LAMC1: variants seen among roughly 807,000 people sequenced by gnomAD.
LAMC1 encodes the protein laminin subunit gamma 1.
In LAMC1, 38 loss-of-function variants were observed where a neutral mutation model predicts 173.6. The observed-to-expected ratio is 0.22, with a 90% CI of 0.17 to 0.29. LAMC1 has a LOEUF of 0.29. LAMC1 is among the 10% of genes least tolerant of loss of function. The pLI, the probability that LAMC1 is intolerant of heterozygous loss-of-function variation, is 1.00. For synonymous variants in LAMC1, 746 were observed against 749.1 expected (o/e 1.00, Z 0.07); for missense variants, 1,824 against 2,051.8 (o/e 0.89, Z 2.14).
chr1:183,119,199 A>T (rs1217071376), intron 11 of LAMC1, among the ~76,000 whole-genome samples: 1 of 152,060 alleles, frequency 6.6e-6, no homozygotes, highest in Admixed American at 6.6e-5. Context: ...ACCCGGTCAA[A>T]ATTTTTTTTC....
chr1:183,050,319 T>A (rs1654383718), intron 1 of LAMC1, among the ~76,000 whole-genome samples: 2 of 141,866 alleles, frequency 1.4e-5, no homozygotes, highest in African/African-American at 5.2e-5. Context: ...AGTCTCACTC[T>A]CGCCCAGGCT....
chr1:183,031,461 C>T (rs1267604309), intron 1 of LAMC1, among the ~76,000 whole-genome samples: 3 of 152,136 alleles, frequency 2.0e-5, no homozygotes, highest in Admixed American at 1.3e-4. Context: ...TGTGCCACCA[C>T]ACCCAGCTAA....
At chr1:183,050,476 G>T (rs112381242) in intron 1 of LAMC1, among the ~76,000 whole-genome samples, 3 of 148,896 alleles carry the variant, frequency 2.0e-5, no homozygotes, top group East Asian at 4.0e-4. Flanking sequence ...TAGAGAAGGG[G>T]TTTCACCACG....
At chr1:183,060,002 T>A (rs975676128) in intron 1 of LAMC1, among the ~76,000 whole-genome samples, 2 of 151,834 alleles carry the variant, frequency 1.3e-5, no homozygotes, top group Non-Finnish European at 2.9e-5. Flanking sequence ...GTACCTGAAG[T>A]GGGAAGGGGA....
At position 183,023,543 on chromosome 1, in the gene LAMC1, A is replaced by G; in HGVS notation, c.-174A>G. On this transcript the variant is annotated 5_prime_UTR_variant, in exon 1 of 28. Transcript: ENST00000258341. ...GTCGGCGAGCAGCGCGGTCCTCGCT[A>G]GGGGCGCCCACCCGTCAGTCTCTCC... 3.3e-6 allele frequency: 1 copy of G among 306,888 alleles called. No individual in the cohort carries two copies. Among genetic ancestry groups the G allele is most frequent in the Admixed American group, 5.5e-5 (1 of 18,156 alleles). 19.0% of individuals were successfully genotyped at this position (306,888 alleles called of 1,614,324 possible). A position where few individuals can be genotyped will look rare whatever the true frequency, so the allele number is the denominator to read the frequency against.
At chr1:183,137,496 A>T (rs959427412) in intron 25 of LAMC1, among the ~76,000 whole-genome samples, 173 bp from the exon 26 acceptor site, 1 of 152,108 alleles carries the variant, frequency 6.6e-6, no homozygotes, top group Non-Finnish European at 1.5e-5. Flanking sequence ...AATTTTTTTT[A>T]TGATTATTTA....
chr1:183,093,806 A>G (rs1655626148), intron 1 of LAMC1, among the ~76,000 whole-genome samples: 2 of 152,172 alleles, frequency 1.3e-5, no homozygotes, highest in Non-Finnish European at 2.9e-5. Flanking sequence ...TGCATCCCAC[A>G]TCCAGTTCAT....
Position 183,078,310 on chromosome 1 carries a change from C to T in LAMC1, c.419-25018C>T, listed in dbSNP as rs939295205. ...CTTTAACAGATGAGCTGGTCAGGCGCGGTGGCTCATGCCTGTAATCCCAGC... is the reference window on the plus strand; with the variant it reads ...CTTTAACAGATGAGCTGGTCAGGCGTGGTGGCTCATGCCTGTAATCCCAGC... On this transcript the variant is annotated intron_variant, in intron 1 of 27. Transcript: ENST00000258341. 2.6e-5 allele frequency among the ~76,000 whole-genome samples: 4 copies of T among 152,256 alleles called. 1 individual carries two copies. The highest frequency in any genetic ancestry group is 4.1e-4 in the South Asian group (2 of 4,826).
intron 1 of LAMC1, among the ~76,000 whole-genome samples, chr1:183,076,446 C>T (rs1445753800): frequency 6.6e-6 from 1 of 152,166 alleles, no homozygotes; most frequent in East Asian, 1.9e-4. Context: ...GGGAAAGCAC[C>T]TCAGTAGTTG....
chr1:183,118,125 C>T lies in LAMC1; in HGVS notation c.1969C>T (p.Arg657Cys), dbSNP rs200987098. The T allele has an allele frequency of 2.5e-6, 4 of 1,594,738 alleles. No homozygotes were observed. The highest frequency in any genetic ancestry group is 1.1e-5 in the South Asian group (1 of 90,612). Reference protein sequence around the residue: ...LLNNLTSIKIRGTYSERSAGY... With the variant: ...LLNNLTSIKICGTYSERSAGY... ...AAACAACTTGACCTCTATCAAGATA[C>T]GTGGGACATACAGTGAGAGAAGTAA... The change falls in exon 11 of 28, where the codon CGT (arginine) becomes TGT (cysteine). Residue 657 changes from arginine (R) to cysteine (C), a missense_variant. By Grantham distance (180) the Arg-to-Cys change is radical. Coordinates refer to ENST00000258341, the MANE Select transcript of LAMC1 (RefSeq NM_002293.4).
intron 1 of LAMC1, among the ~76,000 whole-genome samples, chr1:183,074,733 G>T (rs1655085942): frequency 6.6e-6 from 1 of 152,054 alleles, no homozygotes; most frequent in Admixed American, 6.6e-5. Context: ...TGATCTGTTA[G>T]TTTTATACCT....
At chr1:183,098,066 A>T (rs1655739494) in intron 1 of LAMC1, among the ~76,000 whole-genome samples, 1 of 152,178 alleles carries the variant, frequency 6.6e-6, no homozygotes, top group African/African-American at 2.4e-5. Context: ...CCTTAAAGCC[A>T]TACTGTCTAC....
chr1:183,123,444 C>G (rs1354683263), intron 13 of LAMC1, among the ~76,000 whole-genome samples: 1 of 152,192 alleles, frequency 6.6e-6, no homozygotes, highest in Non-Finnish European at 1.5e-5. Context: ...CTTCTTGATA[C>G]ACTAAAACCA....
At position 183,127,109 on chromosome 1, in the gene LAMC1, C is replaced by CA. The variant is rs1470113996; in HGVS notation, c.2945-110dup. On this transcript the variant is annotated intron_variant, in intron 16 of 27. Coordinates refer to ENST00000258341, the MANE Select transcript of LAMC1 (RefSeq NM_002293.4). ...AGATCTCATAAATAGTCCTGTTTTT[C>CA]AAAAAAATTATGACAGTATAGTCAG... The CA allele has an allele frequency of 9.9e-6, 9 of 912,568 alleles. No individual in the cohort carries two copies. The East Asian group carries it at 1.1e-4, about 12-fold the overall frequency. 56.5% of individuals were successfully genotyped at this position (912,568 alleles called of 1,614,324 possible).
intron 1 of LAMC1, among the ~76,000 whole-genome samples, chr1:183,027,027 T>A (rs1653705600): frequency 6.6e-6 from 1 of 152,236 alleles, no homozygotes; most frequent in Non-Finnish European, 1.5e-5. Context: ...TATAGGATCA[T>A]TTTAACTGAT....
intron 3 of LAMC1, among the ~76,000 whole-genome samples, chr1:183,108,721 G>A (rs754624379): frequency 6.6e-5 from 10 of 152,198 alleles, no homozygotes; most frequent in Non-Finnish European, 1.0e-4. Context: ...TTGAGGAAGG[G>A]TAAGACTCAC....
At chr1:183,075,574 T>C (rs555095861) in intron 1 of LAMC1, among the ~76,000 whole-genome samples, 1 of 152,246 alleles carries the variant, frequency 6.6e-6, no homozygotes, top group East Asian at 1.9e-4. Context: ...TACACATATA[T>C]GGTATAGTAA....
chr1:183,055,536 G>A (rs576361097), intron 1 of LAMC1, among the ~76,000 whole-genome samples: 2 of 152,078 alleles, frequency 1.3e-5, no homozygotes, highest in African/African-American at 4.8e-5. Flanking sequence ...GCATTAGGCC[G>A]GGTGCAGTGG....
At chr1:183,100,302 T>C (rs1171563926) in intron 1 of LAMC1, among the ~76,000 whole-genome samples, 1 of 152,194 alleles carries the variant, frequency 6.6e-6, no homozygotes, top group Non-Finnish European at 1.5e-5. Flanking sequence ...TCCACACTGA[T>C]CTTTCTAAAA....
Sources: gnomAD v4.1 joint callset for allele counts (sites outside exome capture counted in the v4.1 genomes callset) on GRCh38, gnomAD v4.1.1 for gene constraint, MANE v1.5 for transcripts, NCBI Gene and HGNC (gene_info 2026-07-23, HGNC 2026-07-21) for gene names.